The following CPNE4 variants were observed in gnomAD, a reference collection of about 807,000 sequenced individuals.
CPNE4 encodes copine-4.
In CPNE4, 25 loss-of-function variants were observed where a neutral mutation model predicts 67.9. That is an observed-to-expected ratio of 0.37 (90% CI 0.27 to 0.51). The LOEUF (loss-of-function observed/expected upper bound fraction) is 0.51, where lower values mean the gene tolerates loss of function less well. Ranked by LOEUF, CPNE4 falls within the 20% of genes least tolerant of loss-of-function variation. The probability of loss-of-function intolerance (pLI) is 0.93; values close to 1 mark genes in which losing one functional copy is unlikely to be tolerated. For missense variants in CPNE4, 464 were observed against 690.8 expected (o/e 0.67, Z 3.68); for synonymous variants, 242 against 244.9 (o/e 0.99, Z 0.11).
At chr3:131,980,942 C>T (rs1290908020) in intron 1 of CPNE4, among the ~76,000 whole-genome samples, 1 of 152,148 alleles carries the variant, frequency 6.6e-6, no homozygotes, top group Admixed American at 6.5e-5. Context: ...GTGAGCCAAA[C>T]TGCAGTGATT....
intron 2 of CPNE4, among the ~76,000 whole-genome samples, chr3:131,833,630 T>C (rs866279242): frequency 3.7e-4 from 56 of 151,844 alleles, no homozygotes; most frequent in African/African-American, 1.3e-3. Context: ...GCCCAGGAGG[T>C]CAAGGCTACA....
chr3:132,009,991 A>G (rs922458750), intron 1 of CPNE4, among the ~76,000 whole-genome samples: 29 of 152,358 alleles, frequency 1.9e-4, no homozygotes, highest in African/African-American at 7.0e-4. Context: ...AACTCTAAAC[A>G]GATAAGGAAG....
At chr3:131,851,425 A>C (rs2086239006) in intron 2 of CPNE4, among the ~76,000 whole-genome samples, 1 of 152,098 alleles carries the variant, frequency 6.6e-6, no homozygotes, top group African/African-American at 2.4e-5. Flanking sequence ...GAAAAAAATC[A>C]GGATTAGACA....
intron 1 of CPNE4, among the ~76,000 whole-genome samples, chr3:131,966,146 C>T (rs1202233706): frequency 1.3e-5 from 2 of 152,108 alleles, no homozygotes; most frequent in Admixed American, 6.5e-5. Context: ...AAAATTAAGG[C>T]AGAAATAAAT....
chr3:131,843,097 C>A (rs373208625), intron 2 of CPNE4, among the ~76,000 whole-genome samples: 4 of 152,122 alleles, frequency 2.6e-5, no homozygotes, highest in Admixed American at 6.6e-5. Flanking sequence ...TAAAACCCAA[C>A]GATTTTCATC....
At chr3:131,996,617 C>T (rs756870960) in intron 1 of CPNE4, among the ~76,000 whole-genome samples, 1 of 151,796 alleles carries the variant, frequency 6.6e-6, no homozygotes, top group East Asian at 1.9e-4. Flanking sequence ...GGTCCCTCCA[C>T]TTAGATATCA....
Position 131,990,158 on chromosome 3 carries a change from C to T in CPNE4, c.-2+44409G>A, listed in dbSNP as rs140293920. 5.7e-4 allele frequency among the ~76,000 whole-genome samples: 78 copies of T among 136,790 alleles called. 3 individuals are homozygous for T. The highest frequency in any genetic ancestry group is 1.9e-3 in the African/African-American group (76 of 40,884). 89.7% of individuals were successfully genotyped at this position (136,790 alleles called of 152,430 possible). On this transcript the variant is annotated intron_variant, in intron 1 of 15. Coordinates refer to ENST00000429747, the MANE Select transcript of CPNE4 (RefSeq NM_130808.3). The stretch of plus-strand genomic sequence containing the variant: ...ATCATTTTGTGTGTCATACAAGTCT[C>T]TGTAAACTTATATGACCACATCTCC...
chr3:131,955,436 T>TTTTTTTTTTTTTGG (rs2071932901), intron 1 of CPNE4, among the ~76,000 whole-genome samples: 1 of 140,474 alleles, frequency 7.1e-6, no homozygotes, highest in African/African-American at 2.8e-5. Flanking sequence ...TTTTTTTTTG[T>TTTTTTTTTTTTTGG]ATGCTTTCTA....
intron 2 of CPNE4, among the ~76,000 whole-genome samples, chr3:131,883,034 A>C (rs1428440642): frequency 6.6e-6 from 1 of 152,108 alleles, no homozygotes; most frequent in African/African-American, 2.4e-5. Flanking sequence ...CTCTACTTTC[A>C]ATGGCAAAAA....
chr3:131,611,986 G>C (rs981896786), intron 7 of CPNE4, among the ~76,000 whole-genome samples: 3 of 152,164 alleles, frequency 2.0e-5, no homozygotes, highest in Admixed American at 1.3e-4. Context: ...AGAAGGGTCA[G>C]CTTCTTTGCC....
chr3:131,981,197 G>A (rs2107636831), intron 1 of CPNE4, among the ~76,000 whole-genome samples: 1 of 152,214 alleles, frequency 6.6e-6, no homozygotes, highest in East Asian at 1.9e-4. Context: ...GCTTTCCAGA[G>A]AGCATCAGCT....
At chr3:131,911,296 A>C (rs929188907) in intron 1 of CPNE4, among the ~76,000 whole-genome samples, 4 of 152,064 alleles carry the variant, frequency 2.6e-5, no homozygotes, top group Admixed American at 2.6e-4. Context: ...GCCAACAACC[A>C]TGTGAGCTTG....
chr3:131,782,008 G>C (rs1386374932), intron 2 of CPNE4, among the ~76,000 whole-genome samples: 1 of 152,096 alleles, frequency 6.6e-6, no homozygotes, highest in Non-Finnish European at 1.5e-5. Context: ...GTGAATGAAT[G>C]AATGAGAACG....
At chr3:131,710,468 C>T (rs2081530176) in intron 3 of CPNE4, among the ~76,000 whole-genome samples, 1 of 152,078 alleles carries the variant, frequency 6.6e-6, no homozygotes, top group Non-Finnish European at 1.5e-5. Context: ...ACAGTGACAG[C>T]ATATGGGAAG....
At chr3:131,691,593 C>T (rs1583028993) in intron 5 of CPNE4, among the ~76,000 whole-genome samples, 1 of 152,220 alleles carries the variant, frequency 6.6e-6, no homozygotes, top group East Asian at 1.9e-4. Flanking sequence ...CTATTGGGTC[C>T]TATGCTTACT....
intron 2 of CPNE4, among the ~76,000 whole-genome samples, chr3:131,853,553 G>GA (rs917217185): frequency 4.0e-5 from 6 of 151,358 alleles, no homozygotes; most frequent in African/African-American, 1.2e-4. Flanking sequence ...AAACATAAAA[G>GA]AAAAAAATAA....
At chr3:131,607,319 T>C (rs1939567189) in intron 7 of CPNE4, among the ~76,000 whole-genome samples, 1 of 151,890 alleles carries the variant, frequency 6.6e-6, no homozygotes, top group African/African-American at 2.4e-5. Flanking sequence ...ATTTCCCAAG[T>C]AATTGAACTT....
chr3:131,590,863 C>T (rs969309767), intron 7 of CPNE4, among the ~76,000 whole-genome samples: 4 of 152,184 alleles, frequency 2.6e-5, no homozygotes, highest in African/African-American at 9.6e-5. Flanking sequence ...TTAGCTCATT[C>T]TGCTTGAAAT....
chr3:131,637,463 C>CT (rs1288505352), intron 7 of CPNE4, among the ~76,000 whole-genome samples: 2 of 152,126 alleles, frequency 1.3e-5, no homozygotes, highest in Non-Finnish European at 2.9e-5. Context: ...AAACACAAGA[C>CT]TTTCAAATTA....
Sources: allele counts gnomAD v4.1 joint callset (sites outside exome capture counted in the v4.1 genomes callset), GRCh38; gene constraint gnomAD v4.1.1; transcripts MANE v1.5; gene names NCBI Gene and HGNC (gene_info 2026-07-23, HGNC 2026-07-21).